Variants in ADGRB1 observed in about 807,000 individuals in gnomAD.
The protein encoded by ADGRB1 is brain-specific angiogenesis inhibitor 1.
ADGRB1 carries 36 observed loss-of-function variants against 175.7 expected under a neutral mutation model. The ratio of observed to expected loss-of-function variants is 0.20; its 90% CI spans 0.16 to 0.27. ADGRB1 has a LOEUF of 0.27. Among genes scored for constraint, ADGRB1 ranks in the 10% least tolerant of loss-of-function variants. The pLI is 1.00. For synonymous variants in ADGRB1, 1,054 were observed against 979.4 expected (o/e 1.08, Z -1.42); for missense variants, 1,731 against 2,255.3 (o/e 0.77, Z 4.71).
rs377759319 is a variant in ADGRB1 at position 142,515,842 on chromosome 8, G to A, written c.2818-2296G>A. ...TTTGAGGCCTGAGCTCCAGGCTGTG[G>A]CATGCAGGAGTGGTGCTGAGCAGAG... On this transcript the variant is annotated intron_variant, in intron 18 of 30. Transcript: ENST00000517894. 3.9e-5 allele frequency among the ~76,000 whole-genome samples: 6 copies of A among 152,252 alleles called. No individual in the cohort carries two copies. In the East Asian group the frequency reaches 9.6e-4, roughly 24 times the overall value.
intron 17 of ADGRB1, among the ~76,000 whole-genome samples, chr8:142,503,896 G>GC (rs1842740261): frequency 6.6e-6 from 1 of 152,178 alleles, no homozygotes; most frequent in Non-Finnish European, 1.5e-5. Context: ...TTGGCATCTT[G>GC]CATCGTGAGG....
chr8:142,537,259 C>T lies in ADGRB1; in HGVS notation c.3666+177C>T, dbSNP rs945564277. Among the ~76,000 whole-genome samples the T allele has an allele frequency of 4.6e-5, 7 of 152,188 alleles. No individual in the cohort carries two copies. The highest frequency in any genetic ancestry group is 3.4e-3 in the Middle Eastern group (1 of 294). On this transcript the variant is annotated intron_variant, in intron 26 of 30. Transcript: ENST00000517894. The surrounding 1 kb of genome is among the most constrained non-coding windows in gnomAD (Gnocchi z 4.6). ...GGCTCGCCAAGTGGAACCCCTGGTCCGGGGTTTCCAGCTGGGAAGGCCTGA... is the reference window on the plus strand; with the variant it reads ...GGCTCGCCAAGTGGAACCCCTGGTCTGGGGTTTCCAGCTGGGAAGGCCTGA...
Position 142,504,149 on chromosome 8 carries a change from G to C in ADGRB1, c.2676-6783G>C, listed in dbSNP as rs1203674154. 6.6e-6 allele frequency among the ~76,000 whole-genome samples: 1 copy of C among 152,240 alleles called. No individual in the cohort carries two copies. The highest frequency in any genetic ancestry group is 1.5e-5 in the Non-Finnish European group (1 of 68,032). ...TCAGGACCCCAGGTAATTGCCCCCA[G>C]GCCCTGAGCTTGGAGGGGCTAGAGC... On this transcript the variant is annotated intron_variant, in intron 17 of 30. Transcript: ENST00000517894. The surrounding 1 kb of genome is among the most constrained non-coding windows in gnomAD (Gnocchi z 5.6).
At chr8:142,539,662 C>T (rs928872022) in intron 27 of ADGRB1, 3 of 580,770 alleles carry the variant, frequency 5.2e-6, no homozygotes, top group Non-Finnish European at 9.2e-6. Flanking sequence ...TTCCAGAACA[C>T]TGCCCTGGCA....
chr8:142,458,408 G>T (rs1484759863), intron 1 of ADGRB1, among the ~76,000 whole-genome samples: 1 of 152,184 alleles, frequency 6.6e-6, no homozygotes, highest in Non-Finnish European at 1.5e-5. Context: ...GGGTGTCTGT[G>T]ATGGGGGTTA....
At chr8:142,533,686 C>T (rs767038037) in intron 25 of ADGRB1, among the ~76,000 whole-genome samples, 27 of 152,194 alleles carry the variant, frequency 1.8e-4, no homozygotes, top group African/African-American at 6.0e-4. Flanking sequence ...GCAGCACCTT[C>T]CCAAGGATGC....
chr8:142,541,628 C>T (rs979655199), intron 27 of ADGRB1, among the ~76,000 whole-genome samples: 9 of 152,200 alleles, frequency 5.9e-5, no homozygotes, highest in Non-Finnish European at 1.2e-4. Context: ...AGGCCGCCCT[C>T]GCCTGCTCTT....
intron 1 of ADGRB1, among the ~76,000 whole-genome samples, chr8:142,461,013 A>G (rs1345042928): frequency 6.6e-6 from 1 of 152,206 alleles, no homozygotes; most frequent in East Asian, 1.9e-4. Context: ...GCGTGGAGTC[A>G]GCTGGTGACA....
At chr8:142,458,135 G>A (rs972424286) in intron 1 of ADGRB1, among the ~76,000 whole-genome samples, 2 of 152,124 alleles carry the variant, frequency 1.3e-5, no homozygotes, top group African/African-American at 2.4e-5. Context: ...GGGAGGGGAC[G>A]CAGGAGGCCT....
At chr8:142,486,915 G>T (rs948283852) in intron 13 of ADGRB1, among the ~76,000 whole-genome samples, 5 of 152,152 alleles carry the variant, frequency 3.3e-5, no homozygotes, top group Admixed American at 6.5e-5. Flanking sequence ...TGCTACTAGG[G>T]AGGCTGAGGT....
chr8:142,490,659 C>A, intron 16 of ADGRB1, 113 bp from the exon 17 acceptor site: 1 of 1,268,072 alleles, frequency 7.9e-7, no homozygotes, highest in South Asian at 1.3e-5. Context: ...TGTTCAGGGA[C>A]CCGCACAGGT....
At position 142,464,092 on chromosome 8, in the gene ADGRB1, C is replaced by CAGCCCCCACCCGGCCCGCCCA; in HGVS notation, c.-107_-106insAGCCCCCACCCGGCCCGCCCA. 1.1e-6 allele frequency: 1 copy of CAGCCCCCACCCGGCCCGCCCA among 928,914 alleles called. No homozygotes were observed. Among genetic ancestry groups the CAGCCCCCACCCGGCCCGCCCA allele is most frequent in the East Asian group, 3.9e-5 (1 of 25,322 alleles). 57.5% of individuals were successfully genotyped at this position (928,914 alleles called of 1,614,324 possible). ...CCCATCCCACCCTTGCCCCGCCTCCCTGCCCCCACCGGGCCGGCCCTGCCC... is the reference window on the plus strand; with the variant it reads ...CCCATCCCACCCTTGCCCCGCCTCCCAGCCCCCACCCGGCCCGCCCATGCCCCCACCGGGCCGGCCCTGCCC... On this transcript the variant is annotated 5_prime_UTR_variant, in exon 2 of 31. The change creates a new upstream start codon in the 5' untranslated region. Coordinates refer to ENST00000517894, the MANE Select transcript of ADGRB1 (RefSeq NM_001702.3).
At chr8:142,530,438 C>T (rs567770580) in intron 24 of ADGRB1, among the ~76,000 whole-genome samples, 1 of 152,248 alleles carries the variant, frequency 6.6e-6, no homozygotes, top group African/African-American at 2.4e-5. Context: ...TGCCCTGCCT[C>T]CCTCAACCCA....
At chr8:142,533,915 A>T (rs1844777521) in intron 25 of ADGRB1, among the ~76,000 whole-genome samples, 1 of 152,298 alleles carries the variant, frequency 6.6e-6, no homozygotes, top group East Asian at 1.9e-4. Context: ...CACGATTGGG[A>T]TGCTCTTGCG....
chr8:142,467,760 A>C (rs1840358885), intron 2 of ADGRB1, among the ~76,000 whole-genome samples: 1 of 152,212 alleles, frequency 6.6e-6, no homozygotes, highest in Admixed American at 6.5e-5. Flanking sequence ...GGCCAATTCC[A>C]TCAGGTCTCT....
At chr8:142,538,403 C>T (rs541348503) in intron 26 of ADGRB1, among the ~76,000 whole-genome samples, 15 of 152,334 alleles carry the variant, frequency 9.8e-5, no homozygotes, top group African/African-American at 3.6e-4. Context: ...CCTCATGGCT[C>T]CATGCCTCAG....
At chr8:142,518,823 T>A (rs549782357) in intron 19 of ADGRB1, among the ~76,000 whole-genome samples, 2 of 152,144 alleles carry the variant, frequency 1.3e-5, no homozygotes, top group African/African-American at 4.8e-5. Flanking sequence ...TGAGTAGAAG[T>A]GTGGAGCAGG....
rs199669655 is a variant in ADGRB1, at chr8:142,475,517, C to G, written c.828C>G (p.Asp276Glu). The G allele has an allele frequency of 5.2e-4, 676 of 1,294,594 alleles. 1 individual carries two copies. The highest frequency in any genetic ancestry group is 5.7e-4 in the Non-Finnish European group (583 of 1,020,338). The allele number at this position is 1,294,594 out of a possible 1,614,324, so 80.2% of individuals were successfully genotyped here. A position where few individuals can be genotyped will look rare whatever the true frequency, so the allele number is the denominator to read the frequency against. ...CCCTGTGGGGCGAATGCACGCGGGA[C>G]TGCGGGGGAGGCCTCCAGACGCGGA... The part of the protein sequence containing the change: ...LWSLWGECTR[D>E]CGGGLQTRTR... The change falls in exon 3 of 31, where the codon GAC becomes GAG. Residue 276 changes from aspartate (D) to glutamate (E), a missense_variant. Asp to Glu is a conservative substitution (Grantham distance 45). Coordinates refer to ENST00000517894, the MANE Select transcript of ADGRB1 (RefSeq NM_001702.3).
At chr8:142,512,171 G>A (rs919830341) in intron 18 of ADGRB1, among the ~76,000 whole-genome samples, 1 of 152,234 alleles carries the variant, frequency 6.6e-6, no homozygotes, top group African/African-American at 2.4e-5. Flanking sequence ...GAGGCCCAGA[G>A]AGAGGGCCTT....
Sources: gnomAD v4.1 joint callset for allele counts (sites outside exome capture counted in the v4.1 genomes callset) on GRCh38, gnomAD v4.1.1 for gene constraint, Gnocchi (gnomAD v3.1) non-coding constraint, MANE v1.5 for transcripts, NCBI Gene and HGNC (gene_info 2026-07-23, HGNC 2026-07-21) for gene names.